TESPA1: variants seen among roughly 807,000 people sequenced by gnomAD.
The protein encoded by TESPA1 is thymocyte expressed, positive selection associated 1.
A neutral mutation model predicts 57.9 loss-of-function variants in TESPA1; 33 were observed. That is an observed-to-expected ratio of 0.57 (90% confidence interval 0.43 to 0.76). The LOEUF (loss-of-function observed/expected upper bound fraction) is 0.76, where lower values mean the gene tolerates loss of function less well. Among genes scored for constraint, TESPA1 ranks in the 30% least tolerant of loss-of-function variants. The pLI is 0.00. For synonymous variants in TESPA1, 227 were observed against 228.9 expected (o/e 0.99, Z 0.07); for missense variants, 618 against 632.9 (o/e 0.98, Z 0.25).
In TESPA1 at chr12:54,962,886, G is replaced by T. The variant is rs1185375575; in HGVS notation, c.1012C>A (p.Gln338Lys). The T allele has an allele frequency of 6.2e-7, 1 of 1,613,720 alleles. No homozygotes were observed. Among genetic ancestry groups the T allele is most frequent in the African/African-American group, 1.3e-5 (1 of 75,010 alleles). The change falls in exon 9 of 11, where the codon CAA becomes AAA. Residue 338 changes from glutamine (Q) to lysine (K), a missense_variant. This residue lies in a region of TESPA1 where 409 missense variants were observed against 420.1 expected (regional missense o/e 0.97). Transcript: ENST00000449076. ...GGCACAGGATCTTCCTGTGAGAATT[G>T]CCCCAAATCAGAGTCTTGCTGGAGG... is the stretch of plus-strand genomic sequence containing the variant. Reference protein sequence around the residue: ...QFLQQDSDLGQFSQEDPVPPA... With the variant: ...QFLQQDSDLGKFSQEDPVPPA...
chr12:54,974,318 T>C (rs1952024310), intron 2 of TESPA1, 82 bp downstream of exon 2: 1 of 1,299,664 alleles, frequency 7.7e-7, no homozygotes, highest in South Asian at 1.6e-5. Context: ...ACAAGGAACC[T>C]GTTCACACTC....
chr12:54,984,115 G>A (rs576912151), intron 1 of TESPA1: 1 of 152,170 alleles, frequency 6.6e-6, no homozygotes, highest in Admixed American at 6.5e-5. Flanking sequence ...AAGCAAAGTT[G>A]ATTTCAGCCA....
intron 7 of TESPA1, 75 bp downstream of exon 7, chr12:54,965,978 C>T: frequency 7.2e-7 from 1 of 1,384,484 alleles, no homozygotes; most frequent in South Asian, 1.3e-5. Flanking sequence ...AAAAAACAGG[C>T]AATGGCTCTT....
At position 54,948,686 on chromosome 12, in the gene TESPA1, C is replaced by A. The variant is rs1328086066; in HGVS notation, c.*1706G>T. 6.6e-6 allele frequency: 1 copy of A among 152,538 alleles called. No individual in the cohort carries two copies. The highest frequency in any genetic ancestry group is 2.4e-5 in the African/African-American group (1 of 41,438). The allele number at this position is 152,538 out of a possible 1,614,324, so 9.4% of individuals were successfully genotyped here. A position where few individuals can be genotyped will look rare whatever the true frequency, so the allele number is the denominator to read the frequency against. Reference sequence around the variant, plus strand: ...CATGCTTCCTGTACAGCCTGCGGAACTGTGAGCCAATTAAACCTCTTTTCT... The same window carrying A: ...CATGCTTCCTGTACAGCCTGCGGAAATGTGAGCCAATTAAACCTCTTTTCT... On this transcript the variant is annotated 3_prime_UTR_variant, in exon 11 of 11. Coordinates refer to ENST00000449076, the MANE Select transcript of TESPA1 (RefSeq NM_001136030.3).
At chr12:54,959,065 G>A (rs1339205343) in intron 10 of TESPA1, among the ~76,000 whole-genome samples, 1 of 152,082 alleles carries the variant, frequency 6.6e-6, no homozygotes, top group African/African-American at 2.4e-5. Context: ...ACAACTGGAC[G>A]CGATGTACTG....
chr12:54,952,158 A>C (rs1201762568), intron 10 of TESPA1, among the ~76,000 whole-genome samples: 1 of 152,190 alleles, frequency 6.6e-6, no homozygotes, highest in Non-Finnish European at 1.5e-5. Flanking sequence ...GAGACCTGAG[A>C]TGGCATGCTC....
At chr12:54,967,032 A>G in intron 5 of TESPA1, 151 bp downstream of exon 5, 1 of 801,768 alleles carries the variant, frequency 1.2e-6, no homozygotes. Context: ...TGCATTTTAC[A>G]TTAGATAATA....
intron 1 of TESPA1, among the ~76,000 whole-genome samples, chr12:54,976,547 AAAG>A (rs1435308985): frequency 2.6e-5 from 4 of 152,122 alleles, no homozygotes; most frequent in Non-Finnish European, 5.9e-5. Flanking sequence ...AGAAGGAGGA[AAAG>A]AAGGAGGGAG....
chr12:54,963,385 T>C, intron 8 of TESPA1, 143 bp from the exon 9 acceptor site: 2 of 878,388 alleles, frequency 2.3e-6, no homozygotes, highest in Non-Finnish European at 1.7e-6. Flanking sequence ...TTTAGATTTC[T>C]AACACTCTTT....
rs781628616 is a variant in TESPA1, at chr12:54,961,186, C to A, written c.1549G>T (p.Ala517Ser). ...PRHPHHHQTF[A>S]GKDS ...CACTTACTTCACGAGTCTTTGCCAG[C>A]AAAAGTCTGGTGGTGGTGGGGGTGC... Residue 517 changes from alanine (A) to serine (S), a missense_variant, in exon 10 of 11, where the codon GCT becomes TCT. Around this residue, in one of 3 missense-constraint regions of TESPA1, gnomAD observed 409 missense variants for 420.1 expected, o/e 0.97. Coordinates refer to ENST00000449076, the MANE Select transcript of TESPA1 (RefSeq NM_001136030.3). The A allele has an allele frequency of 4.3e-6, 7 of 1,613,674 alleles. No homozygotes were observed. In the Admixed American group the frequency reaches 6.7e-5, roughly 15 times the overall value.
chr12:54,962,832 A>C lies in TESPA1; in HGVS notation c.1066T>G (p.Ser356Ala). 6.2e-7 allele frequency: 1 copy of C among 1,613,762 alleles called. No individual in the cohort carries two copies. The change falls in exon 9 of 11, where the codon TCT becomes GCT. Residue 356 changes from serine to alanine, a missense_variant. By Grantham distance (99) the Ser-to-Ala change is moderately conservative (BLOSUM62 1). Around this residue, in one of 3 missense-constraint regions of TESPA1, gnomAD observed 409 missense variants for 420.1 expected, o/e 0.97. Transcript: ENST00000449076. ...PPAEGKKLPT[S>A]PYPCVFCCEE... ...CAGCAGAAGACACATGGATAGGGAG[A>C]AGTGGGCAACTTCTTACCCTCAGCA...
chr12:54,950,767 ATAAG>A (rs1950335837), intron 10 of TESPA1, among the ~76,000 whole-genome samples: 2 of 152,176 alleles, frequency 1.3e-5, no homozygotes, highest in South Asian at 4.2e-4. Flanking sequence ...TTTTCTATTA[ATAAG>A]TATTTCTCTT....
At chr12:54,982,215 C>G (rs2136219462) in intron 1 of TESPA1, among the ~76,000 whole-genome samples, 1 of 152,342 alleles carries the variant, frequency 6.6e-6, no homozygotes, top group Admixed American at 6.5e-5. Context: ...TCTTCTAGCT[C>G]CTAACCCTCT....
chr12:54,961,309 G>A (rs767717966), intron 9 of TESPA1, 42 bp from the exon 10 acceptor site: 11 of 1,611,050 alleles, frequency 6.8e-6, no homozygotes, highest in Non-Finnish European at 8.5e-6. Flanking sequence ...AGCCAAGGGG[G>A]AAAGGGGGTA....
chr12:54,966,224 G>T, intron 6 of TESPA1, 73 bp from the exon 7 acceptor site: 1 of 1,562,180 alleles, frequency 6.4e-7, no homozygotes, highest in East Asian at 2.3e-5. Flanking sequence ...AATCCCTGCT[G>T]GACTTATTCA....
chr12:54,953,737 C>G (rs1197938806), intron 10 of TESPA1, among the ~76,000 whole-genome samples: 4 of 151,908 alleles, frequency 2.6e-5, no homozygotes, highest in Admixed American at 2.0e-4. Context: ...AGCCAGGATG[C>G]TCTCAATCTC....
chr12:54,967,151 T>C (rs199720372), intron 5 of TESPA1, 32 bp downstream of exon 5: 1 of 1,612,006 alleles, frequency 6.2e-7, no homozygotes, highest in African/African-American at 1.3e-5. Flanking sequence ...TCCTGTTTTC[T>C]CATCCCAACC....
chr12:54,964,672 TC>T (rs1478520079), intron 7 of TESPA1, among the ~76,000 whole-genome samples: 1 of 152,252 alleles, frequency 6.6e-6, no homozygotes, highest in East Asian at 1.9e-4. Flanking sequence ...ACTATCACTC[TC>T]TTCAGAAAGT....
intron 10 of TESPA1, among the ~76,000 whole-genome samples, chr12:54,956,037 A>G (rs752303308): frequency 3.3e-5 from 5 of 152,260 alleles, no homozygotes; most frequent in African/African-American, 4.8e-5. Context: ...TTTAATATCC[A>G]TAAGTGCTAA....
Sources: allele counts gnomAD v4.1 joint callset (sites outside exome capture counted in the v4.1 genomes callset), GRCh38; gene constraint gnomAD v4.1.1; regional missense constraint gnomAD v4.1.1; transcripts MANE v1.5; gene names NCBI Gene and HGNC (gene_info 2026-07-23, HGNC 2026-07-21).